GPR39: variants seen among roughly 807,000 people sequenced by gnomAD.
GPR39 encodes zinc sensing receptor.
In GPR39, 23 loss-of-function variants were observed where a neutral mutation model predicts 18.4. That is an observed-to-expected ratio of 1.25 (90% CI 0.90 to 1.77). The LOEUF is 1.77. Among genes scored for constraint, GPR39 ranks in the 40% most tolerant of loss-of-function variants. The probability of loss-of-function intolerance (pLI) is 0.00; values close to 1 mark genes in which losing one functional copy is unlikely to be tolerated. For missense variants in GPR39, 647 were observed against 602.4 expected, an observed-to-expected ratio of 1.07 and a Z score of -0.78; for synonymous variants, 280 against 257.9, an observed-to-expected ratio of 1.09 and a Z score of -0.82.
In GPR39 at chr2:132,472,411, G is replaced by T. The variant is rs117541800; in HGVS notation, c.856+54513G>T. Among the ~76,000 whole-genome samples, 19 of 152,216 alleles carry T rather than the reference G, an allele frequency of 1.2e-4. 1 individual carries two copies. The East Asian group carries it at 3.5e-3, about 28-fold the overall frequency. Reference sequence around the variant, plus strand: ...CCCAGAAGTTGATATCTGCACCACAGGCCATGTTTCCCTGAATACAAAGTG... The same window carrying T: ...CCCAGAAGTTGATATCTGCACCACATGCCATGTTTCCCTGAATACAAAGTG... On this transcript the variant is annotated intron_variant, in intron 1 of 1. Coordinates refer to ENST00000329321, the MANE Select transcript of GPR39 (RefSeq NM_001508.3).
intron 1 of GPR39, among the ~76,000 whole-genome samples, chr2:132,465,288 T>C (rs1283938295): frequency 6.6e-6 from 1 of 151,910 alleles, no homozygotes; most frequent in Admixed American, 6.6e-5. Flanking sequence ...TACAGAGGAG[T>C]TCCCCTTTTC....
At chr2:132,478,858 T>G (rs1681178603) in intron 1 of GPR39, among the ~76,000 whole-genome samples, 1 of 152,142 alleles carries the variant, frequency 6.6e-6, no homozygotes, top group Non-Finnish European at 1.5e-5. Flanking sequence ...TATTTAAATG[T>G]CAGCTTGTAG....
chr2:132,575,546 G>A (rs933209470), intron 1 of GPR39, among the ~76,000 whole-genome samples: 10 of 152,288 alleles, frequency 6.6e-5, no homozygotes, highest in African/African-American at 2.2e-4. Context: ...CAGAGTGGTT[G>A]TACCATATCG....
At chr2:132,501,081 G>GTTTTTTTTTTTTTTTTTTTTT (rs1679028731) in intron 1 of GPR39, among the ~76,000 whole-genome samples, 1 of 53,262 alleles carries the variant, frequency 1.9e-5, no homozygotes. Flanking sequence ...TTTGGTTTCA[G>GTTTTTTTTTTTTTTTTTTTTT]TTTCATTTAG....
intron 1 of GPR39, among the ~76,000 whole-genome samples, chr2:132,588,267 C>T (rs148217829): frequency 2.8e-4 from 42 of 152,350 alleles, no homozygotes; most frequent in African/African-American, 8.7e-4. Context: ...TTCGCACTTG[C>T]ACCTTCTCCC....
Position 132,645,109 on chromosome 2 carries a change from G to A in GPR39, c.865G>A (p.Val289Ile). The A allele has an allele frequency of 1.2e-6, 2 of 1,612,228 alleles. No homozygotes were observed. Among genetic ancestry groups the A allele is most frequent in the South Asian group, 1.1e-5 (1 of 90,720 alleles). The change falls in exon 2 of 2, where the codon GTT (valine) becomes ATT (isoleucine). Residue 289 changes from valine (V) to isoleucine (I), a missense_variant. Val to Ile is a conservative substitution (Grantham distance 29). Around this residue, in one of 3 missense-constraint regions of GPR39, gnomAD observed 581 missense variants for 506.8 expected, o/e 1.15. Transcript: ENST00000329321. ...RQTIIFLRLI[V>I]VTLAVCWMPN... ...TGCTCGTGTCTGCCCAGGGCTGATT[G>A]TTGTGACATTGGCCGTATGCTGGAT...
At chr2:132,511,533 T>C (rs1679241426) in intron 1 of GPR39, among the ~76,000 whole-genome samples, 1 of 152,220 alleles carries the variant, frequency 6.6e-6, no homozygotes, top group Admixed American at 6.5e-5. Flanking sequence ...CGTATGTTAG[T>C]GTGAGTAGGG....
At position 132,646,269 on chromosome 2, in the gene GPR39, G is replaced by A. The variant is rs376690248; in HGVS notation, c.*663G>A. 1.1e-5 allele frequency: 17 copies of A among 1,551,122 alleles called. No individual in the cohort carries two copies. Among genetic ancestry groups the A allele is most frequent in the East Asian group, 2.3e-5 (1 of 43,472 alleles). On this transcript the variant is annotated 3_prime_UTR_variant, in exon 2 of 2. Transcript: ENST00000329321. ...GCCGCTGATGATGCACAGGACTTGC[G>A]GTACATGATCCCTGTAACACAGACC...
chr2:132,457,836 G>A (rs7560688), intron 1 of GPR39, among the ~76,000 whole-genome samples: 76,231 of 152,178 alleles, frequency 0.5, 20,873 homozygotes, highest in Non-Finnish European at 0.62. Context: ...AGCCCCAGCA[G>A]TGGTGGACAC....
chr2:132,646,073 T>G lies in GPR39; in HGVS notation c.*467T>G, dbSNP rs767835149. 1 of 1,591,750 alleles carries G rather than the reference T, an allele frequency of 6.3e-7. No homozygotes were observed. Among genetic ancestry groups the G allele is most frequent in the Non-Finnish European group, 8.6e-7 (1 of 1,167,626 alleles). The stretch of plus-strand genomic sequence containing the variant: ...GCAGTGTGCCGAGAAGAGGGCTAAT[T>G]TGAGGAACAGGATGGTGGTGCGGAG... On this transcript the variant is annotated 3_prime_UTR_variant, in exon 2 of 2. Transcript: ENST00000329321.
At chr2:132,590,705 T>G (rs1008630925) in intron 1 of GPR39, among the ~76,000 whole-genome samples, 7 of 128,604 alleles carry the variant, frequency 5.4e-5, no homozygotes, top group Non-Finnish European at 7.9e-5. Context: ...CATGATGAGT[T>G]TGGGTCTGTC....
chr2:132,442,552 A>C (rs1680459234), intron 1 of GPR39, among the ~76,000 whole-genome samples: 1 of 152,236 alleles, frequency 6.6e-6, no homozygotes, highest in African/African-American at 2.4e-5. Flanking sequence ...TCTGATTGCC[A>C]GGAAGGCTTT....
intron 1 of GPR39, among the ~76,000 whole-genome samples, chr2:132,590,347 C>G (rs1680805250): frequency 6.6e-6 from 1 of 152,148 alleles, no homozygotes; most frequent in Admixed American, 6.5e-5. Flanking sequence ...TACACACACA[C>G]ATGCTTACAT....
chr2:132,421,485 CATCAT>C (rs1680007737), intron 1 of GPR39, among the ~76,000 whole-genome samples: 1 of 152,088 alleles, frequency 6.6e-6, no homozygotes, highest in South Asian at 2.1e-4. Flanking sequence ...ATAAAAGAAA[CATCAT>C]AGAAGATTCA....
intron 1 of GPR39, among the ~76,000 whole-genome samples, chr2:132,543,935 A>C (rs886977118): frequency 1.3e-5 from 2 of 152,212 alleles, no homozygotes; most frequent in Non-Finnish European, 2.9e-5. Flanking sequence ...CAGAAATTGC[A>C]GACAAAATTA....
At chr2:132,479,481 G>A (rs1314192143) in intron 1 of GPR39, among the ~76,000 whole-genome samples, 1 of 152,190 alleles carries the variant, frequency 6.6e-6, no homozygotes, top group African/African-American at 2.4e-5. Flanking sequence ...TTTGTGGAAT[G>A]AGACAGTACG....
At position 132,646,237 on chromosome 2, in the gene GPR39, G is replaced by A; in HGVS notation, c.*631G>A. On this transcript the variant is annotated 3_prime_UTR_variant, in exon 2 of 2. Transcript: ENST00000329321. ...AGGACTGGTACCCGGCAGAGGCGAT[G>A]AGACAGGCCGCTGATGATGCACAGG... 1 of 1,584,606 alleles carries A rather than the reference G, an allele frequency of 6.3e-7. No homozygotes were observed. Among genetic ancestry groups the A allele is most frequent in the Non-Finnish European group, 8.6e-7 (1 of 1,162,948 alleles).
At chr2:132,565,149 A>G (rs1680326103) in intron 1 of GPR39, among the ~76,000 whole-genome samples, 1 of 151,848 alleles carries the variant, frequency 6.6e-6, no homozygotes, top group Admixed American at 6.6e-5. Flanking sequence ...TAATTGACCC[A>G]CAGAGATTCT....
intron 1 of GPR39, among the ~76,000 whole-genome samples, chr2:132,548,936 T>C (rs1052126094): frequency 1.2e-4 from 19 of 152,344 alleles, no homozygotes; most frequent in Admixed American, 9.1e-4. Flanking sequence ...TCTGACCCCC[T>C]GGAATTGGCC....
Sources: allele counts gnomAD v4.1 joint callset (sites outside exome capture counted in the v4.1 genomes callset), GRCh38; gene constraint gnomAD v4.1.1; regional missense constraint gnomAD v4.1.1; transcripts MANE v1.5; gene names NCBI Gene and HGNC (gene_info 2026-07-23, HGNC 2026-07-21).